Variants in SPTBN4 observed in about 807,000 individuals in gnomAD.
The protein encoded by SPTBN4 is spectrin beta chain, non-erythrocytic 4.
SPTBN4 carries 96 observed loss-of-function variants against 277.8 expected under a neutral mutation model. The ratio of observed to expected loss-of-function variants is 0.35; its 90% CI spans 0.29 to 0.41. SPTBN4 has a LOEUF of 0.41. Ranked by LOEUF, SPTBN4 falls within the 10% of genes least tolerant of loss-of-function variation. SPTBN4 has a pLI of 1.00. For synonymous variants in SPTBN4, 1,481 were observed against 1,580.3 expected, an observed-to-expected ratio of 0.94 and a Z score of 1.49; for missense variants, 3,006 against 3,595.7, an observed-to-expected ratio of 0.84 and a Z score of 4.19.
chr19:40,538,802 C>G (rs1247501467), intron 20 of SPTBN4, among the ~76,000 whole-genome samples: 1 of 152,180 alleles, frequency 6.6e-6, no homozygotes, highest in Non-Finnish European at 1.5e-5. Flanking sequence ...GTTGCCCAGG[C>G]TGGTCTCAAA....
chr19:40,485,035 G>A (rs896146684), intron 2 of SPTBN4, among the ~76,000 whole-genome samples: 7 of 151,608 alleles, frequency 4.6e-5, no homozygotes, highest in African/African-American at 2.4e-5. Context: ...TAGAGGTGGG[G>A]TTTCACCATG....
At position 40,519,132 on chromosome 19, in the gene SPTBN4, G is replaced by A. The variant is rs2080493187; in HGVS notation, c.2904-269G>A. On this transcript the variant is annotated intron_variant, in intron 15 of 35. Transcript: ENST00000598249. The surrounding 1 kb of genome is among the most constrained non-coding windows in gnomAD (Gnocchi z 5.7). ...TCTGGAAAACTCCACTGAACACTCG[G>A]GAAAGAATGAGAGTGAAAAAGCAAA... 6.6e-6 allele frequency among the ~76,000 whole-genome samples: 1 copy of A among 152,102 alleles called. No individual in the cohort carries two copies. The highest frequency in any genetic ancestry group is 2.4e-5 in the African/African-American group (1 of 41,422).
At chr19:40,543,250 G>T (rs1022139819) in intron 20 of SPTBN4, among the ~76,000 whole-genome samples, 32 of 152,102 alleles carry the variant, frequency 2.1e-4, no homozygotes, top group African/African-American at 7.5e-4. Flanking sequence ...AGGAGTTGGA[G>T]ACCCGCCTGG....
At chr19:40,548,999 C>G (rs1202543715) in intron 20 of SPTBN4, among the ~76,000 whole-genome samples, 190 bp from the exon 21 acceptor site, 1 of 152,196 alleles carries the variant, frequency 6.6e-6, no homozygotes, top group African/African-American at 2.4e-5. Context: ...GCAAAGGCTC[C>G]GAGGCAGGGA....
chr19:40,567,611 A>AGAAC, intron 30 of SPTBN4, 52 bp from the exon 31 acceptor site: 1 of 1,190,520 alleles, frequency 8.4e-7, no homozygotes. Context: ...CCTCCCCCTT[A>AGAAC]CCCCGCCCCG....
At position 40,512,827 on chromosome 19, in the gene SPTBN4, G is replaced by T; in HGVS notation, c.2038G>T (p.Gly680Cys). 1 of 1,452,488 alleles carries T rather than the reference G, an allele frequency of 6.9e-7. No homozygotes were observed. The highest frequency in any genetic ancestry group is 9.0e-7 in the Non-Finnish European group (1 of 1,115,692). The allele number at this position is 1,452,488 out of a possible 1,614,324, so 90.0% of individuals were successfully genotyped here. The change falls in exon 14 of 36, where the codon GGC (glycine) becomes TGC (cysteine). Residue 680 changes from glycine to cysteine, a missense_variant. Physicochemically the swap from Gly to Cys is radical, Grantham distance 159. Around this residue, in one of 5 missense-constraint regions of SPTBN4, gnomAD observed 1,759 missense variants for 2,061.5 expected, o/e 0.85. Transcript: ENST00000598249. ...CGGCGGCGGTGCGGCGGGCGCAGCG[G>T]GCGCAGCGGGAACAGCGGGCGGCGC... ...AGGGGAAGAA[G>C]AAGTAGGAHD...
chr19:40,513,432 C>T lies in SPTBN4; in HGVS notation c.2643C>T (p.Leu881=), dbSNP rs1568795247. ...GGCGCCAGTGGCTGCGGGACGCGCTCGCTGTCTACCGCATGTTTGGCGAGG... is the reference window on the plus strand; with the variant it reads ...GGCGCCAGTGGCTGCGGGACGCGCTTGCTGTCTACCGCATGTTTGGCGAGG... ...ALRRQWLRDA[L]AVYRMFGEVH... Residue 881 remains leucine, a synonymous_variant, in exon 14 of 36, where the codon CTC becomes CTT. Coordinates refer to ENST00000598249, the MANE Select transcript of SPTBN4 (RefSeq NM_020971.3). 2 of 1,603,274 alleles carry T rather than the reference C, an allele frequency of 1.2e-6. No homozygotes were observed. The highest frequency in any genetic ancestry group is 1.7e-5 in the Admixed American group (1 of 59,424).
rs745451169 is a variant in SPTBN4, at chr19:40,473,069, CAG to C, written c.169+282_169+283del. ...TTATTTATATATATATTTTTTGAGA[CAG>C]AGTCTTATTCTGTTGCCCCGGCTGG... On this transcript the variant is annotated intron_variant, in intron 2 of 35. Transcript: ENST00000598249. Among the ~76,000 whole-genome samples the C allele has an allele frequency of 1.7e-4, 26 of 151,982 alleles. No individual in the cohort carries two copies. The Middle Eastern group carries it at 0.014, about 80-fold the overall frequency.
rs1271220142 is a variant in SPTBN4, at chr19:40,519,961, C to G, written c.3464C>G (p.Ala1155Gly). 1 of 1,538,680 alleles carries G rather than the reference C, an allele frequency of 6.5e-7. No individual in the cohort carries two copies. The highest frequency in any genetic ancestry group is 8.7e-7 in the Non-Finnish European group (1 of 1,150,134). Reference sequence around the variant, plus strand: ...GCTCGCATCGTGGCGGCCAGCGAGGCGCTGCTGGCCGCCGACGGCGCAGAG... The same window carrying G: ...GCTCGCATCGTGGCGGCCAGCGAGGGGCTGCTGGCCGCCGACGGCGCAGAG... ...DYARIVAASE[A>G]LLAADGAELG... Residue 1155 changes from alanine to glycine, a missense_variant, in exon 16 of 36, where the codon GCG (alanine) becomes GGG (glycine). Around this residue, in one of 5 missense-constraint regions of SPTBN4, gnomAD observed 1,759 missense variants for 2,061.5 expected, o/e 0.85. Coordinates refer to ENST00000598249, the MANE Select transcript of SPTBN4 (RefSeq NM_020971.3). The surrounding 1 kb of genome is among the most constrained non-coding windows in gnomAD (Gnocchi z 5.7).
In SPTBN4 at chr19:40,573,552, T is replaced by C. The variant is rs375992252; in HGVS notation, c.7536+1172T>C. Among the ~76,000 whole-genome samples the C allele has an allele frequency of 1.4e-4, 22 of 152,304 alleles. No homozygotes were observed. The East Asian group carries it at 2.9e-3, about 20-fold the overall frequency. ...GTGATGTGTAAAAAAGATTCCTGGC[T>C]GGGCGCAGTGGCTTACGCCTGTAAT... is the stretch of plus-strand genomic sequence containing the variant. On this transcript the variant is annotated intron_variant, in intron 35 of 35. Transcript: ENST00000598249.
In SPTBN4 at chr19:40,557,007, C is replaced by CCA; in HGVS notation, c.5290-16_5290-15insCA. On this transcript the variant is annotated splice_polypyrimidine_tract_variant and intron_variant, in intron 25 of 35. Coordinates refer to ENST00000598249, the MANE Select transcript of SPTBN4 (RefSeq NM_020971.3). ...GCTCACTTTGCTGTACCCCCCCCCC[C>CCA]ACTTCCTGATGGCAGGTGCTGCAGG... 3 of 1,522,584 alleles carry CCA rather than the reference C, an allele frequency of 2.0e-6. No homozygotes were observed. Among genetic ancestry groups the CCA allele is most frequent in the Non-Finnish European group, 2.7e-6 (3 of 1,128,870 alleles). The allele number at this position is 1,522,584 out of a possible 1,614,324, so 94.3% of individuals were successfully genotyped here.
In SPTBN4 at chr19:40,515,568, C is replaced by T. The variant is rs544233634; in HGVS notation, c.2903+120C>T. On this transcript the variant is annotated intron_variant, in intron 15 of 35. Coordinates refer to ENST00000598249, the MANE Select transcript of SPTBN4 (RefSeq NM_020971.3). The surrounding 1 kb of genome is among the most constrained non-coding windows in gnomAD (Gnocchi z 4.1). ...TCATAATGGCCACCCGATAAATCAACAAAATGTTGACCAAAAATCATAATC... is the reference window on the plus strand; with the variant it reads ...TCATAATGGCCACCCGATAAATCAATAAAATGTTGACCAAAAATCATAATC... The T allele has an allele frequency of 1.5e-5, 18 of 1,215,848 alleles. No homozygotes were observed. The highest frequency in any genetic ancestry group is 3.0e-5 in the East Asian group (1 of 33,630). The allele number at this position is 1,215,848 out of a possible 1,614,324, so 75.3% of individuals were successfully genotyped here.
At chr19:40,489,369 GA>G (rs34509165) in intron 3 of SPTBN4, among the ~76,000 whole-genome samples, 4,368 of 145,980 alleles carry the variant, frequency 0.03, 64 homozygotes, top group Middle Eastern at 0.042. Flanking sequence ...GGGAAGCAGC[GA>G]GGGGTGTGAC....
chr19:40,490,010 G>A lies in SPTBN4; in HGVS notation c.322-65G>A, dbSNP rs1348969864. Reference sequence around the variant, plus strand: ...GAGGCGGGCTTCTTTGGAAGCTGCGGGGCCGAGGGCGCCATACTCCTGTCT... The same window carrying A: ...GAGGCGGGCTTCTTTGGAAGCTGCGAGGCCGAGGGCGCCATACTCCTGTCT... On this transcript the variant is annotated intron_variant, in intron 3 of 35. Coordinates refer to ENST00000598249, the MANE Select transcript of SPTBN4 (RefSeq NM_020971.3). The surrounding 1 kb of genome is among the most constrained non-coding windows in gnomAD (Gnocchi z 4.3). The A allele has an allele frequency of 4.1e-6, 6 of 1,468,714 alleles. No individual in the cohort carries two copies. The highest frequency in any genetic ancestry group is 5.4e-6 in the Non-Finnish European group (6 of 1,106,230). The allele number at this position is 1,468,714 out of a possible 1,614,324, so 91.0% of individuals were successfully genotyped here.
Position 40,566,508 on chromosome 19 carries a change from G to A in SPTBN4, c.6336+149G>A, listed in dbSNP as rs2081093949. On this transcript the variant is annotated intron_variant, in intron 30 of 35. Coordinates refer to ENST00000598249, the MANE Select transcript of SPTBN4 (RefSeq NM_020971.3). ...AGACTCTTGCTAGGCTCCCAGTGGA[G>A]CAGAGGGACAGACCTGTCACCAGTG... is the stretch of plus-strand genomic sequence containing the variant. The A allele has an allele frequency of 2.9e-5, 20 of 684,526 alleles. No homozygotes were observed. In the East Asian group the frequency reaches 6.4e-4, roughly 22 times the overall value. The allele number at this position is 684,526 out of a possible 1,614,324, so 42.4% of individuals were successfully genotyped here. A position where few individuals can be genotyped will look rare whatever the true frequency, so the allele number is the denominator to read the frequency against.
chr19:40,565,844 C>T (rs927505488), intron 29 of SPTBN4, 99 bp downstream of exon 29: 1 of 1,327,906 alleles, frequency 7.5e-7, no homozygotes, highest in Non-Finnish European at 1.0e-6. Flanking sequence ...GCTTTGCACC[C>T]TACCCATGGG....
At chr19:40,556,926 T>A (rs1277846717) in intron 25 of SPTBN4, 97 bp from the exon 26 acceptor site, 1 of 1,449,676 alleles carries the variant, frequency 6.9e-7, no homozygotes, top group Admixed American at 2.6e-5. Context: ...AGACTCTGTA[T>A]CAAAAAGAAA....
At chr19:40,566,496 G>A in intron 30 of SPTBN4, 137 bp downstream of exon 30, 2 of 763,262 alleles carry the variant, frequency 2.6e-6, no homozygotes, top group Non-Finnish European at 3.8e-6. Context: ...CTCTTGCTAG[G>A]CTCCCAGTGG....
At chr19:40,529,416 TTC>T (rs1214099619) in intron 18 of SPTBN4, among the ~76,000 whole-genome samples, 9 of 152,180 alleles carry the variant, frequency 5.9e-5, no homozygotes, top group Non-Finnish European at 1.3e-4. Context: ...GATCTCACCT[TTC>T]TCTCCTGAGA....
Sources: gnomAD v4.1 joint callset for allele counts (sites outside exome capture counted in the v4.1 genomes callset) on GRCh38, gnomAD v4.1.1 for gene constraint, gnomAD v4.1.1 regional missense constraint, Gnocchi (gnomAD v3.1) non-coding constraint, MANE v1.5 for transcripts, NCBI Gene and HGNC (gene_info 2026-07-23, HGNC 2026-07-21) for gene names.